CD163L1: variants seen among roughly 807,000 people sequenced by gnomAD.
The protein encoded by CD163L1 is CD163 molecule like 1.
Under a neutral mutation model 165.4 loss-of-function variants are expected in CD163L1, and 124 were observed. The observed-to-expected ratio is 0.75, with a 90% confidence interval of 0.65 to 0.87. The LOEUF (loss-of-function observed/expected upper bound fraction) is 0.87, where lower values mean the gene tolerates loss of function less well. CD163L1 is among the 40% of genes least tolerant of loss of function. CD163L1 has a pLI of 0.00. For synonymous variants in CD163L1, 585 were observed against 662.2 expected (o/e 0.88, Z 1.79); for missense variants, 1,525 against 1,799.9 (o/e 0.85, Z 2.76).
intron 4 of CD163L1, among the ~76,000 whole-genome samples, chr12:7,412,422 AAATAG>A (rs1347560062): frequency 1.3e-5 from 2 of 152,260 alleles, no homozygotes; most frequent in Admixed American, 1.3e-4. Context: ...CAAAAGAGAA[AAATAG>A]AATTGAAACA....
chr12:7,333,347 C>T, the CD163L1 span, among the ~76,000 whole-genome samples: 1 of 152,138 alleles, frequency 6.6e-6, no homozygotes, highest in Non-Finnish European at 1.5e-5. Flanking sequence ...CACTCAAAAC[C>T]ACTCAACCAC....
intron 4 of CD163L1, among the ~76,000 whole-genome samples, chr12:7,423,145 A>G (rs1226471789): frequency 6.6e-6 from 1 of 152,162 alleles, no homozygotes; most frequent in Non-Finnish European, 1.5e-5. Context: ...GCCACTGTGC[A>G]ATCAAATTAG....
the CD163L1 span, chr12:7,324,158 A>G: frequency 7.4e-7 from 1 of 1,349,274 alleles, no homozygotes; most frequent in Non-Finnish European, 9.9e-7. Flanking sequence ...TCTGTCTCAA[A>G]AAAAAAAAAA....
chr12:7,363,495 A>AT (rs1004626996), intron 18 of CD163L1, among the ~76,000 whole-genome samples: 2 of 152,026 alleles, frequency 1.3e-5, no homozygotes, highest in Non-Finnish European at 2.9e-5. Flanking sequence ...TAAAAAGTTG[A>AT]TTTTTTGGAA....
At chr12:7,422,748 C>CATGTAT (rs1948462885) in intron 4 of CD163L1, among the ~76,000 whole-genome samples, 1 of 97,378 alleles carries the variant, frequency 1.0e-5, no homozygotes, top group Non-Finnish European at 2.3e-5. Context: ...AATATATATA[C>CATGTAT]ATATGTGTGT....
chr12:7,395,257 T>C (rs1043420328), intron 8 of CD163L1, among the ~76,000 whole-genome samples: 5 of 152,142 alleles, frequency 3.3e-5, no homozygotes, highest in Admixed American at 1.3e-4. Flanking sequence ...TGGAATACTA[T>C]GCAGCCATAA....
At chr12:7,322,572 A>G in the CD163L1 span, 10 of 1,584,956 alleles carry the variant, frequency 6.3e-6, no homozygotes, top group South Asian at 1.2e-4. Flanking sequence ...TGTTTAGTAT[A>G]TGTGGGGGCC....
the CD163L1 span, among the ~76,000 whole-genome samples, chr12:7,325,170 C>T: frequency 1.3e-4 from 20 of 152,306 alleles, no homozygotes; most frequent in African/African-American, 3.8e-4. Flanking sequence ...TTGGATCATA[C>T]GTCTATCCTT....
the CD163L1 span, chr12:7,324,146 A>T: frequency 8.9e-7 from 1 of 1,118,364 alleles, no homozygotes; most frequent in East Asian, 2.6e-5. Flanking sequence ...ACAGAGAGAG[A>T]CTCTGTCTCA....
At chr12:7,399,279 CTTCT>C (rs1198763452) in intron 6 of CD163L1, among the ~76,000 whole-genome samples, 1 of 135,404 alleles carries the variant, frequency 7.4e-6, no homozygotes, top group African/African-American at 3.1e-5. Flanking sequence ...CTTCCTTTTT[CTTCT>C]TTCCTTTTCT....
chr12:7,362,918 A>G (rs994773422), intron 18 of CD163L1, among the ~76,000 whole-genome samples: 8 of 151,754 alleles, frequency 5.3e-5, no homozygotes, highest in Non-Finnish European at 7.4e-5. Context: ...TATGCCATGG[A>G]ATACTACTCA....
chr12:7,413,918 TA>T (rs1331322446), intron 4 of CD163L1, among the ~76,000 whole-genome samples: 2 of 151,990 alleles, frequency 1.3e-5, no homozygotes, highest in Non-Finnish European at 2.9e-5. Flanking sequence ...AGTACACCCA[TA>T]AAAAAGGTCT....
downstream of CD163L1, among the ~76,000 whole-genome samples, chr12:7,342,133 T>A (rs187025108): frequency 1.3e-5 from 2 of 152,250 alleles, no homozygotes; most frequent in East Asian, 1.9e-4. Flanking sequence ...AATCTGGCCA[T>A]AAACTGGCCC....
At chr12:7,386,779 T>G (rs1021920651) in intron 8 of CD163L1, among the ~76,000 whole-genome samples, 1 of 152,044 alleles carries the variant, frequency 6.6e-6, no homozygotes, top group Non-Finnish European at 1.5e-5. Context: ...CAACATCCCT[T>G]CATAATAAAA....
the CD163L1 span, among the ~76,000 whole-genome samples, chr12:7,327,549 CCTT>C: frequency 6.6e-6 from 1 of 152,124 alleles, no homozygotes; most frequent in East Asian, 1.9e-4. Flanking sequence ...TTTCCTGAAA[CCTT>C]CTTCAAAGAA....
intron 8 of CD163L1, among the ~76,000 whole-genome samples, chr12:7,380,355 G>GTGTATACGCGTATACATACATGTATGTA: frequency 6.9e-6 from 1 of 145,104 alleles, no homozygotes; most frequent in Non-Finnish European, 1.5e-5. Context: ...ACATGTATGT[G>GTGTATACGCGTATACATACATGTATGTA]TGTATACGCG....
At chr12:7,393,015 C>T (rs1237727464) in intron 8 of CD163L1, among the ~76,000 whole-genome samples, 1 of 152,160 alleles carries the variant, frequency 6.6e-6, no homozygotes, top group African/African-American at 2.4e-5. Context: ...TGGTACCATT[C>T]TTTCCGAAAC....
intron 1 of CD163L1, 83 bp downstream of exon 1, chr12:7,444,014 T>C (rs1012261061): frequency 1.7e-5 from 22 of 1,305,960 alleles, no homozygotes; most frequent in South Asian, 2.4e-5. Context: ...CTACATAATA[T>C]TTATATCTGT....
chr12:7,378,526 T>C (rs1947318633), intron 9 of CD163L1, among the ~76,000 whole-genome samples: 1 of 152,214 alleles, frequency 6.6e-6, no homozygotes, highest in African/African-American at 2.4e-5. Context: ...TTTTCCCCCT[T>C]CTTCACTTGG....
Sources: gnomAD v4.1 joint callset for allele counts (sites outside exome capture counted in the v4.1 genomes callset) on GRCh38, gnomAD v4.1.1 for gene constraint, MANE v1.5 for transcripts, NCBI Gene and HGNC (gene_info 2026-07-23, HGNC 2026-07-21) for gene names.